The following NSMCE2 variants were observed in gnomAD, a reference collection of about 807,000 sequenced individuals.
The protein encoded by NSMCE2 is NSE2 SUMO ligase component of SMC5/6 complex, also known as E3 SUMO-protein ligase NSE2.
In NSMCE2, 24 loss-of-function variants were observed where a neutral mutation model predicts 23.8. The ratio of observed to expected loss-of-function variants is 1.01; its 90% CI spans 0.73 to 1.42. NSMCE2 has a LOEUF of 1.42. Ranked by LOEUF, NSMCE2 falls within the 40% of genes most tolerant of loss-of-function variation. NSMCE2 has a pLI of 0.00. For synonymous variants in NSMCE2, 92 were observed against 94.1 expected (o/e 0.98, Z 0.13); for missense variants, 284 against 296.5 (o/e 0.96, Z 0.31).
chr8:125,129,597 A>G (rs557660007), intron 3 of NSMCE2, among the ~76,000 whole-genome samples: 22 of 148,402 alleles, frequency 1.5e-4, no homozygotes, highest in Non-Finnish European at 7.5e-5. Context: ...TTTCATTGAT[A>G]TTCTGAATAC....
intron 7 of NSMCE2, 21 bp downstream of exon 7, chr8:125,357,839 A>G: frequency 6.6e-7 from 1 of 1,506,580 alleles, no homozygotes; most frequent in East Asian, 2.3e-5. Flanking sequence ...GCAGGGAAGG[A>G]AGTGGAGCCT....
At chr8:125,323,439 A>G (rs1459505874) in intron 5 of NSMCE2, among the ~76,000 whole-genome samples, 1 of 152,228 alleles carries the variant, frequency 6.6e-6, no homozygotes, top group Non-Finnish European at 1.5e-5. Flanking sequence ...GTGTAGTAAG[A>G]TGGACAACAG....
chr8:125,287,189 G>A (rs966852334), intron 5 of NSMCE2, among the ~76,000 whole-genome samples: 11 of 152,090 alleles, frequency 7.2e-5, no homozygotes, highest in South Asian at 2.1e-4. Flanking sequence ...AAAATTGGCC[G>A]GGTGTGGTGG....
chr8:125,199,557 CTCT>C (rs1459542996), intron 5 of NSMCE2, among the ~76,000 whole-genome samples: 1 of 152,136 alleles, frequency 6.6e-6, no homozygotes, highest in Non-Finnish European at 1.5e-5. Flanking sequence ...GTTGTGATTT[CTCT>C]TCTTTTACAT....
intron 3 of NSMCE2, among the ~76,000 whole-genome samples, chr8:125,148,775 C>T (rs149289489): frequency 1.9e-3 from 294 of 151,918 alleles, no homozygotes; most frequent in African/African-American, 5.8e-3. Context: ...GGTGTGAAAC[C>T]AATAGTCTAT....
intron 3 of NSMCE2, among the ~76,000 whole-genome samples, chr8:125,116,550 GA>G (rs756470170): frequency 6.6e-6 from 1 of 152,156 alleles, no homozygotes; most frequent in Non-Finnish European, 1.5e-5. Flanking sequence ...TATAATGTTA[GA>G]ATTGGTTGCT....
At chr8:125,308,609 A>G (rs557239163) in intron 5 of NSMCE2, among the ~76,000 whole-genome samples, 8 of 152,180 alleles carry the variant, frequency 5.3e-5, no homozygotes, top group Middle Eastern at 3.2e-3. Flanking sequence ...GAAATAAGTT[A>G]CCTGTTTAAC....
chr8:125,279,222 G>T (rs1369540406), intron 5 of NSMCE2, among the ~76,000 whole-genome samples: 1 of 152,152 alleles, frequency 6.6e-6, no homozygotes, highest in African/African-American at 2.4e-5. Flanking sequence ...GCTGAGACGT[G>T]GCTGAGCCTG....
chr8:125,236,955 A>G (rs1290329337), intron 5 of NSMCE2, among the ~76,000 whole-genome samples: 2 of 152,182 alleles, frequency 1.3e-5, no homozygotes, highest in African/African-American at 4.8e-5. Flanking sequence ...GAATGAGTAA[A>G]TGTACCTTAA....
intron 3 of NSMCE2, among the ~76,000 whole-genome samples, chr8:125,106,294 A>G (rs1818454243): frequency 1.3e-5 from 2 of 152,204 alleles, no homozygotes; most frequent in African/African-American, 4.8e-5. Flanking sequence ...GCAAATAACT[A>G]ATATCACCAC....
chr8:125,253,341 A>G (rs1416541257), intron 5 of NSMCE2, among the ~76,000 whole-genome samples: 1 of 152,228 alleles, frequency 6.6e-6, no homozygotes, highest in African/African-American at 2.4e-5. Context: ...TACATAACAA[A>G]GTACTGATTG....
intron 3 of NSMCE2, among the ~76,000 whole-genome samples, chr8:125,125,122 A>C (rs113404905): frequency 6.6e-6 from 1 of 151,680 alleles, no homozygotes; most frequent in Non-Finnish European, 1.5e-5. Flanking sequence ...TCATCTGTGA[A>C]TGGAGATAGT....
At chr8:125,301,458 C>A (rs1563771941) in intron 5 of NSMCE2, among the ~76,000 whole-genome samples, 1 of 152,072 alleles carries the variant, frequency 6.6e-6, no homozygotes, top group African/African-American at 2.4e-5. Flanking sequence ...TCGTACCTCA[C>A]TACATGGAGG....
chr8:125,155,009 A>G (rs530348919), intron 4 of NSMCE2, among the ~76,000 whole-genome samples: 2 of 152,364 alleles, frequency 1.3e-5, no homozygotes, highest in African/African-American at 4.8e-5. Flanking sequence ...AAATCTTTGA[A>G]TAAATATTTA....
chr8:125,240,502 A>AC (rs1825729967), intron 5 of NSMCE2, among the ~76,000 whole-genome samples: 1 of 152,342 alleles, frequency 6.6e-6, no homozygotes, highest in Admixed American at 6.5e-5. Context: ...TACTGGCAGC[A>AC]CAGGGACCTT....
chr8:125,097,408 T>C (rs1038093985), intron 1 of NSMCE2, among the ~76,000 whole-genome samples: 2 of 152,214 alleles, frequency 1.3e-5, no homozygotes, highest in African/African-American at 4.8e-5. Flanking sequence ...AATCCAGTTA[T>C]CTTCCCATTC....
chr8:125,236,348 A>C (rs921916131), intron 5 of NSMCE2, among the ~76,000 whole-genome samples: 16 of 149,870 alleles, frequency 1.1e-4, no homozygotes, highest in African/African-American at 4.0e-4. Context: ...TTAAATGTAA[A>C]AGGACGAGTT....
chr8:125,288,436 T>G (rs1463626139), intron 5 of NSMCE2, among the ~76,000 whole-genome samples: 3 of 152,188 alleles, frequency 2.0e-5, no homozygotes, highest in Non-Finnish European at 4.4e-5. Flanking sequence ...TTCCCAGCAA[T>G]CACATTTCAA....
chr8:125,100,583 A>T (rs1385897193), intron 1 of NSMCE2, among the ~76,000 whole-genome samples: 1 of 151,694 alleles, frequency 6.6e-6, no homozygotes, highest in African/African-American at 2.4e-5. Flanking sequence ...TTTTTTTGAG[A>T]CCGCGTCTTG....
Sources: gnomAD v4.1 joint callset for allele counts (sites outside exome capture counted in the v4.1 genomes callset) on GRCh38, gnomAD v4.1.1 for gene constraint, MANE v1.5 for transcripts, NCBI Gene and HGNC (gene_info 2026-07-23, HGNC 2026-07-21) for gene names.